The following IPMK variants were observed in gnomAD, a reference collection of about 807,000 sequenced individuals.
The protein encoded by IPMK is inositol polyphosphate multikinase.
A neutral mutation model predicts 45.8 loss-of-function variants in IPMK; 17 were observed. The observed-to-expected ratio is 0.37, with a 90% CI of 0.25 to 0.56. IPMK has a LOEUF of 0.56. Ranked by LOEUF, IPMK falls within the 20% of genes least tolerant of loss-of-function variation. IPMK has a pLI of 0.79. For synonymous variants in IPMK, 180 were observed against 184.3 expected, an observed-to-expected ratio of 0.98 and a Z score of 0.19; for missense variants, 399 against 498.0, an observed-to-expected ratio of 0.80 and a Z score of 1.89.
chr10:58,237,691 C>T (rs370255915), intron 2 of IPMK, 38 bp downstream of exon 2: 100 of 1,485,824 alleles, frequency 6.7e-5, no homozygotes, highest in Non-Finnish European at 8.6e-5. Flanking sequence ...CTCTGAAAAA[C>T]ACTTTGAAGA....
intron 1 of IPMK, among the ~76,000 whole-genome samples, chr10:58,259,616 T>A (rs1435398175): frequency 6.9e-6 from 1 of 144,864 alleles, no homozygotes; most frequent in East Asian, 2.0e-4. Flanking sequence ...GTGGATCGCA[T>A]GAGCTCAGGA....
chr10:58,199,171 T>C, intron 5 of IPMK, 69 bp downstream of exon 5: 1 of 936,038 alleles, frequency 1.1e-6, no homozygotes, highest in South Asian at 1.7e-5. Flanking sequence ...AAATGACAAC[T>C]AAAACTGAAA....
chr10:58,196,778 T>C lies in IPMK; in HGVS notation c.629-80A>G, dbSNP rs1837901846. On this transcript the variant is annotated intron_variant, in intron 5 of 5. Coordinates refer to ENST00000373935, the MANE Select transcript of IPMK (RefSeq NM_152230.5). ...GGGAAGTAAACTCATCACAGAATTC[T>C]CCAATATTTTCCCCATCATCCCTTA... is the stretch of plus-strand genomic sequence containing the variant. 4 of 944,690 alleles carry C rather than the reference T, an allele frequency of 4.2e-6. No individual in the cohort carries two copies. In the South Asian group the frequency reaches 7.2e-5, roughly 17 times the overall value. 58.5% of individuals were successfully genotyped at this position (944,690 alleles called of 1,614,324 possible).
rs185990058 is a variant in IPMK at position 58,242,250 on chromosome 10, G to A, written c.191-4436C>T. 7.5e-3 allele frequency among the ~76,000 whole-genome samples: 1,143 copies of A among 152,218 alleles called. 9 individuals carry two copies. Among genetic ancestry groups the A allele is most frequent in the Non-Finnish European group, 0.012 (824 of 68,016 alleles). On this transcript the variant is annotated intron_variant, in intron 1 of 5. Coordinates refer to ENST00000373935, the MANE Select transcript of IPMK (RefSeq NM_152230.5). ...ATGAAAAGACATCACGAGGTAAGGA[G>A]ATCGAGACCATCTTGGCTAACATGG...
chr10:58,208,689 C>T (rs1838109219), intron 4 of IPMK, among the ~76,000 whole-genome samples: 1 of 152,180 alleles, frequency 6.6e-6, no homozygotes, highest in Non-Finnish European at 1.5e-5. Context: ...GGTGAGTTCA[C>T]TGTCTCCTAT....
At chr10:58,243,175 CATT>C (rs1341204647) in intron 1 of IPMK, among the ~76,000 whole-genome samples, 1 of 152,092 alleles carries the variant, frequency 6.6e-6, no homozygotes, top group African/African-American at 2.4e-5. Context: ...TTGATTATAA[CATT>C]ATTTACAATA....
At chr10:58,224,392 T>C (rs1338321697) in intron 3 of IPMK, among the ~76,000 whole-genome samples, 1 of 152,250 alleles carries the variant, frequency 6.6e-6, no homozygotes, top group Non-Finnish European at 1.5e-5. Context: ...ATTTACTATA[T>C]ATAACTAGCA....
intron 4 of IPMK, among the ~76,000 whole-genome samples, 181 bp downstream of exon 4, chr10:58,215,964 A>C (rs1838238627): frequency 6.6e-6 from 1 of 152,030 alleles, no homozygotes; most frequent in Non-Finnish European, 1.5e-5. Flanking sequence ...ACCATATATC[A>C]GTGAACAAAA....
intron 4 of IPMK, among the ~76,000 whole-genome samples, chr10:58,207,134 C>T (rs1838082806): frequency 6.6e-6 from 1 of 152,310 alleles, no homozygotes; most frequent in Admixed American, 6.5e-5. Context: ...TCCTGAGTAG[C>T]TAGGACTACA....
intron 4 of IPMK, among the ~76,000 whole-genome samples, chr10:58,200,652 A>C (rs1466671774): frequency 6.6e-6 from 1 of 152,250 alleles, no homozygotes; most frequent in Non-Finnish European, 1.5e-5. Context: ...TAGTCTGATT[A>C]AACAGTGATC....
In IPMK at chr10:58,267,853, C is replaced by G. The variant is rs1361371106; in HGVS notation, c.-242G>C. 2 of 464,420 alleles carry G rather than the reference C, an allele frequency of 4.3e-6. No individual in the cohort carries two copies. Among genetic ancestry groups the G allele is most frequent in the Non-Finnish European group, 7.6e-6 (2 of 264,268 alleles). 28.8% of individuals were successfully genotyped at this position (464,420 alleles called of 1,614,324 possible). ...CCTGTTCCTCTGCCGCCGCAGCCGC[C>G]GGCCCCGGCGCTGCCCGGTAGACAG... On this transcript the variant is annotated 5_prime_UTR_variant, in exon 1 of 6. Transcript: ENST00000373935.
chr10:58,230,284 T>C (rs1236085391), intron 2 of IPMK, among the ~76,000 whole-genome samples: 2 of 152,276 alleles, frequency 1.3e-5, no homozygotes, highest in Non-Finnish European at 2.9e-5. Flanking sequence ...TGTCTGACAG[T>C]TCTGAAGAGA....
chr10:58,219,846 CAAA>C (rs1838304859), intron 3 of IPMK, among the ~76,000 whole-genome samples: 2 of 152,184 alleles, frequency 1.3e-5, no homozygotes, highest in Admixed American at 1.3e-4. Context: ...GTATCATAGA[CAAA>C]GAAGTTTATT....
chr10:58,218,657 C>G (rs996966154), intron 3 of IPMK, among the ~76,000 whole-genome samples: 2 of 152,084 alleles, frequency 1.3e-5, no homozygotes, highest in Admixed American at 6.6e-5. Flanking sequence ...AGTGAGAGAA[C>G]GTAGCTAAAT....
chr10:58,197,318 A>AATAG (rs1564526517), intron 5 of IPMK, among the ~76,000 whole-genome samples: 1 of 87,628 alleles, frequency 1.1e-5, no homozygotes, highest in Non-Finnish European at 1.9e-5. Context: ...TAAATAAATA[A>AATAG]ATAAATAAAT....
intron 1 of IPMK, among the ~76,000 whole-genome samples, chr10:58,256,742 C>T (rs925549514): frequency 6.6e-6 from 1 of 152,148 alleles, no homozygotes; most frequent in Non-Finnish European, 1.5e-5. Context: ...TCTCTTTGTA[C>T]TCTTTCTCTT....
intron 3 of IPMK, among the ~76,000 whole-genome samples, chr10:58,219,962 T>C (rs1022886711): frequency 6.6e-6 from 1 of 152,252 alleles, no homozygotes; most frequent in Non-Finnish European, 1.5e-5. Context: ...GTCATTAGCA[T>C]GTCTGCCCAG....
chr10:58,222,852 A>G (rs1005852664), intron 3 of IPMK, among the ~76,000 whole-genome samples: 45 of 152,198 alleles, frequency 3.0e-4, no homozygotes, highest in African/African-American at 1.1e-3. Context: ...GTATTTCATG[A>G]TGCTGATGAT....
intron 4 of IPMK, among the ~76,000 whole-genome samples, chr10:58,202,401 C>T (rs1838010698): frequency 6.6e-6 from 1 of 152,168 alleles, no homozygotes; most frequent in Admixed American, 6.5e-5. Context: ...TCTCCCAGCC[C>T]TTTGGGAGGC....
Sources: gnomAD v4.1 joint callset for allele counts (sites outside exome capture counted in the v4.1 genomes callset) on GRCh38, gnomAD v4.1.1 for gene constraint, MANE v1.5 for transcripts, NCBI Gene and HGNC (gene_info 2026-07-23, HGNC 2026-07-21) for gene names.